Variants in DHRS3 observed in about 807,000 individuals in gnomAD.
DHRS3 encodes the protein short-chain dehydrogenase/reductase 3.
A neutral mutation model predicts 27.2 loss-of-function variants in DHRS3; 14 were observed. The observed-to-expected ratio is 0.52, with a 90% CI of 0.34 to 0.81. The LOEUF is 0.81. Among genes scored for constraint, DHRS3 ranks in the 30% least tolerant of loss-of-function variants. The probability of loss-of-function intolerance (pLI) is 0.01; values close to 1 mark genes in which losing one functional copy is unlikely to be tolerated. For missense variants in DHRS3, 322 were observed against 406.2 expected, an observed-to-expected ratio of 0.79 and a Z score of 1.78; for synonymous variants, 165 against 175.9, an observed-to-expected ratio of 0.94 and a Z score of 0.49.
Position 12,603,091 on chromosome 1 carries a change from C to T in DHRS3, c.195+14063G>A, listed in dbSNP as rs1646846387. Reference sequence around the variant, plus strand: ...AGCCCCGCTTGGGCATTCAGAGCTTCTAGCTTGTGGGCACCCCAGAGGTAG... The same window carrying T: ...AGCCCCGCTTGGGCATTCAGAGCTTTTAGCTTGTGGGCACCCCAGAGGTAG... On this transcript the variant is annotated intron_variant, in intron 1 of 5. Transcript: ENST00000616661. 2.0e-5 allele frequency among the ~76,000 whole-genome samples: 3 copies of T among 152,220 alleles called. No homozygotes were observed. The South Asian group carries it at 6.2e-4, about 31-fold the overall frequency.
At chr1:12,569,026 T>C (rs1256238701) in intron 5 of DHRS3, among the ~76,000 whole-genome samples, 2 of 152,108 alleles carry the variant, frequency 1.3e-5, no homozygotes, top group Non-Finnish European at 2.9e-5. Context: ...GAGAACAGCC[T>C]AGCCAACATG....
At chr1:12,582,687 C>A (rs1388505216) in intron 1 of DHRS3, among the ~76,000 whole-genome samples, 1 of 152,058 alleles carries the variant, frequency 6.6e-6, no homozygotes, top group Non-Finnish European at 1.5e-5. Context: ...TGCCTTGCAG[C>A]CATTGTCATC....
At position 12,579,299 on chromosome 1, in the gene DHRS3, C is replaced by T; in HGVS notation, c.453G>A (p.Gln151=). The part of the protein sequence containing the change: ...LKSQHINTLG[Q]FWTTKAFLPR... ...GGCCCCGGATAGCCCTTACCCAGAA[C>T]TGGCCCAGGGTGTTGATGTGTTGGG... is the stretch of plus-strand genomic sequence containing the variant. The change falls in exon 3 of 6, where the codon CAG becomes CAA. Residue 151 remains glutamine, a synonymous_variant. Coordinates refer to ENST00000616661, the MANE Select transcript of DHRS3 (RefSeq NM_004753.7). The T allele has an allele frequency of 1.2e-6, 2 of 1,614,152 alleles. No homozygotes were observed. Among genetic ancestry groups the T allele is most frequent in the Non-Finnish European group, 1.7e-6 (2 of 1,180,022 alleles).
rs1646762783 is a variant in DHRS3 at position 12,593,401 on chromosome 1, A to G, written c.196-12735T>C. 6.6e-6 allele frequency among the ~76,000 whole-genome samples: 1 copy of G among 151,984 alleles called. No homozygotes were observed. Among genetic ancestry groups the G allele is most frequent in the South Asian group, 2.1e-4 (1 of 4,812 alleles). ...TATTATTTGTAGAGACGGGGGTATC[A>G]CATTGTTGCCCAGGCTGGTCTTGAA... On this transcript the variant is annotated intron_variant, in intron 1 of 5. Transcript: ENST00000616661. This position sits in a 1 kb window ranked among gnomAD's most constrained non-coding sequence, Gnocchi z 4.6.
At chr1:12,589,395 T>TC (rs1341926072) in intron 1 of DHRS3, among the ~76,000 whole-genome samples, 2 of 150,336 alleles carry the variant, frequency 1.3e-5, no homozygotes, top group South Asian at 2.1e-4. Context: ...CTTTTTCTTT[T>TC]TTTTTTTTTT....
At chr1:12,606,655 A>C (rs1008918077) in intron 1 of DHRS3, among the ~76,000 whole-genome samples, 1 of 150,616 alleles carries the variant, frequency 6.6e-6, no homozygotes, top group African/African-American at 2.5e-5. Context: ...ATGCCAAGCT[A>C]ATTTTTTTTT....
At chr1:12,595,003 A>G (rs1646776125) in intron 1 of DHRS3, among the ~76,000 whole-genome samples, 1 of 152,024 alleles carries the variant, frequency 6.6e-6, no homozygotes, top group South Asian at 2.1e-4. Flanking sequence ...CTCCCTCTCC[A>G]GGAGGGTTGG....
chr1:12,606,096 TCA>T (rs922050481), intron 1 of DHRS3, among the ~76,000 whole-genome samples: 1 of 144,056 alleles, frequency 6.9e-6, no homozygotes, highest in Non-Finnish European at 1.5e-5. Context: ...TGAGATCATG[TCA>T]CTGCACTCCA....
intron 1 of DHRS3, among the ~76,000 whole-genome samples, chr1:12,611,605 C>G (rs1424826196): frequency 6.6e-6 from 1 of 152,156 alleles, no homozygotes; most frequent in Non-Finnish European, 1.5e-5. Flanking sequence ...GGGACAAATG[C>G]TTTCTTCACC....
At chr1:12,603,203 C>T (rs1039900522) in intron 1 of DHRS3, among the ~76,000 whole-genome samples, 23 of 152,006 alleles carry the variant, frequency 1.5e-4, no homozygotes, top group South Asian at 2.1e-4. Context: ...AAAGCCCAAG[C>T]GAACTAGAGG....
At chr1:12,583,181 CA>C in intron 1 of DHRS3, among the ~76,000 whole-genome samples, 1 of 150,614 alleles carries the variant, frequency 6.6e-6, no homozygotes, top group East Asian at 2.0e-4. Flanking sequence ...TCCATCCATC[CA>C]CTCACCTGCT....
chr1:12,607,614 A>G (rs1466637912), intron 1 of DHRS3, among the ~76,000 whole-genome samples: 1 of 152,152 alleles, frequency 6.6e-6, no homozygotes, highest in Non-Finnish European at 1.5e-5. Context: ...TTTCCTTTAT[A>G]AATTACTCAG....
chr1:12,617,992 G>T lies in DHRS3; in HGVS notation c.-644C>A, dbSNP rs529686524. 2.6e-5 allele frequency among the ~76,000 whole-genome samples: 4 copies of T among 152,076 alleles called. No individual in the cohort carries two copies. Among genetic ancestry groups the T allele is most frequent in the Non-Finnish European group, 4.4e-5 (3 of 68,000 alleles). On this transcript the variant is annotated 5_prime_UTR_variant, in exon 1 of 6. Transcript: ENST00000616661. ...AACGCGATCTGATTGCCAGCAACGT[G>T]CAGGAGAAGTGGGGGGTCCGGGTGT...
chr1:12,616,087 A>G (rs1370693583), intron 1 of DHRS3, among the ~76,000 whole-genome samples: 6 of 152,154 alleles, frequency 3.9e-5, no homozygotes, highest in Admixed American at 3.9e-4. Context: ...AACAAAAGCA[A>G]CCTGGAATTA....
Position 12,568,442 on chromosome 1 carries a change from A to C in DHRS3, c.825-18T>G, listed in dbSNP as rs4072868. 363,778 of 1,611,312 alleles carry C rather than the reference A, an allele frequency of 0.23. 44,491 individuals carry two copies. Among genetic ancestry groups the C allele is most frequent in the Non-Finnish European group, 0.25 (295,414 of 1,177,762 alleles). The stretch of plus-strand genomic sequence containing the variant: ...GAAGTATGCTGGAGTAGGAGGAAGA[A>C]AAGAAGATAGCGATGGTTAGTGGGG... On this transcript the variant is annotated intron_variant, in intron 5 of 5. Coordinates refer to ENST00000616661, the MANE Select transcript of DHRS3 (RefSeq NM_004753.7).
At chr1:12,595,377 T>A (rs1309474338) in intron 1 of DHRS3, among the ~76,000 whole-genome samples, 1 of 142,930 alleles carries the variant, frequency 7.0e-6, no homozygotes, top group Non-Finnish European at 1.5e-5. Context: ...GAAGTCTTTC[T>A]GAAAGTGGGC....
At chr1:12,570,701 T>C (rs1183308871) in intron 5 of DHRS3, among the ~76,000 whole-genome samples, 1 of 152,126 alleles carries the variant, frequency 6.6e-6, no homozygotes, top group Admixed American at 6.5e-5. Flanking sequence ...TCTAAGAAGC[T>C]CCCCTGAGGT....
At chr1:12,614,516 A>G (rs1418118886) in intron 1 of DHRS3, among the ~76,000 whole-genome samples, 1 of 151,056 alleles carries the variant, frequency 6.6e-6, no homozygotes, top group Non-Finnish European at 1.5e-5. Flanking sequence ...GTGCCTTTAA[A>G]AAAAAAAAAA....
chr1:12,576,591 T>C (rs1570358051), intron 4 of DHRS3, among the ~76,000 whole-genome samples: 1 of 150,202 alleles, frequency 6.7e-6, no homozygotes, highest in Non-Finnish European at 1.5e-5. Context: ...AACTGCAGAC[T>C]GCCACTGATG....
Sources: gnomAD v4.1 joint callset for allele counts (sites outside exome capture counted in the v4.1 genomes callset) on GRCh38, gnomAD v4.1.1 for gene constraint, Gnocchi (gnomAD v3.1) non-coding constraint, MANE v1.5 for transcripts, NCBI Gene and HGNC (gene_info 2026-07-23, HGNC 2026-07-21) for gene names.